The following DNAH3 variants were observed in gnomAD, a reference collection of about 807,000 sequenced individuals.
DNAH3 encodes axonemal beta dynein heavy chain 3.
Under a neutral mutation model 432.5 loss-of-function variants are expected in DNAH3, and 332 were observed. The ratio of observed to expected loss-of-function variants is 0.77; its 90% confidence interval spans 0.70 to 0.84. DNAH3 has a LOEUF of 0.84. Ranked by LOEUF, DNAH3 falls within the 40% of genes least tolerant of loss-of-function variation. The probability of loss-of-function intolerance (pLI) is 0.00; values close to 1 mark genes in which losing one functional copy is unlikely to be tolerated. For missense variants in DNAH3, 4,861 were observed against 5,114.0 expected, an observed-to-expected ratio of 0.95 and a Z score of 1.51; for synonymous variants, 1,956 against 1,900.2, an observed-to-expected ratio of 1.03 and a Z score of -0.76.
chr16:21,084,081 GA>G (rs1288585371), intron 19 of DNAH3, among the ~76,000 whole-genome samples: 1 of 151,966 alleles, frequency 6.6e-6, no homozygotes, highest in African/African-American at 2.4e-5. Flanking sequence ...AAACAGTGTA[GA>G]AAAATTCCAA....
chr16:20,964,006 C>T (rs769733239), exon 53 of DNAH3: 1 of 1,614,164 alleles, frequency 6.2e-7, no homozygotes, highest in Non-Finnish European at 8.5e-7. Flanking sequence ...TGGCTTGTAG[C>T]CCATCCGAGT....
chr16:21,139,701 C>A (rs2092693789), intron 5 of DNAH3, among the ~76,000 whole-genome samples: 2 of 150,810 alleles, frequency 1.3e-5, no homozygotes, highest in African/African-American at 4.9e-5. Flanking sequence ...ATCCTGGGCT[C>A]AAGTGATCCT....
chr16:21,007,557 T>A (rs555014279), intron 41 of DNAH3, among the ~76,000 whole-genome samples: 1 of 152,124 alleles, frequency 6.6e-6, no homozygotes, highest in Admixed American at 6.5e-5. Context: ...TTATATAGTG[T>A]TATTTGTCTT....
intron 59 of DNAH3, among the ~76,000 whole-genome samples, chr16:20,940,930 T>C (rs956195104): frequency 4.0e-5 from 6 of 151,736 alleles, no homozygotes; most frequent in Non-Finnish European, 8.8e-5. Flanking sequence ...TCCATCTCTA[T>C]AAAAAATAAA....
At chr16:20,944,357 G>A (rs75733297) in intron 58 of DNAH3, 139 bp downstream of exon 58, 16 of 940,388 alleles carry the variant, frequency 1.7e-5, no homozygotes, top group South Asian at 3.1e-5. Context: ...TAAGGCCACA[G>A]TGCTCCTTCC....
chr16:20,980,358 A>G lies in DNAH3; in HGVS notation c.7860-812T>C, dbSNP rs1390616283. On this transcript the variant is annotated intron_variant, in intron 49 of 61. Coordinates refer to ENST00000261383, the Ensembl canonical transcript of DNAH3. ...TATATTTTATTATATTTATTTATAT[A>G]TAAATATATATATATGTGGGGGGGG... 3.0e-5 allele frequency among the ~76,000 whole-genome samples: 4 copies of G among 133,170 alleles called. No homozygotes were observed. In the East Asian group the frequency reaches 6.3e-4, roughly 21 times the overall value. The allele number at this position is 133,170 out of a possible 152,430, so 87.4% of individuals were successfully genotyped here.
chr16:21,152,408 T>C (rs2092862544), intron 1 of DNAH3, among the ~76,000 whole-genome samples: 1 of 152,190 alleles, frequency 6.6e-6, no homozygotes, highest in Non-Finnish European at 1.5e-5. Context: ...TGAAAAGCAT[T>C]GCATAGTGAG....
At chr16:20,961,351 G>A (rs1389737647) in intron 53 of DNAH3, among the ~76,000 whole-genome samples, 1 of 152,056 alleles carries the variant, frequency 6.6e-6, no homozygotes, top group Non-Finnish European at 1.5e-5. Context: ...GTCGTGGGGT[G>A]CGGGGAGGGA....
intron 54 of DNAH3, among the ~76,000 whole-genome samples, chr16:20,958,684 T>C (rs1192552242): frequency 6.6e-6 from 1 of 152,190 alleles, no homozygotes; most frequent in Non-Finnish European, 1.5e-5. Flanking sequence ...CTGTATTCCA[T>C]GGTTCTTGTT....
chr16:21,067,492 T>C, intron 23 of DNAH3, 73 bp from the exon 24 acceptor site: 1 of 1,536,858 alleles, frequency 6.5e-7, no homozygotes, highest in Non-Finnish European at 9.0e-7. Context: ...GTATTGAATG[T>C]GTGACCTATC....
At chr16:21,079,618 CAGAGTG>C (rs1162876162) in intron 20 of DNAH3, among the ~76,000 whole-genome samples, 2 of 151,964 alleles carry the variant, frequency 1.3e-5, no homozygotes, top group African/African-American at 4.8e-5. Context: ...GCCTGGGACA[CAGAGTG>C]AGACTCTGTC....
In DNAH3 at chr16:21,136,323, C is replaced by T. The variant is rs755984543; in HGVS notation, c.886+1G>A. On this transcript the variant is annotated splice_donor_variant, in intron 6 of 61. Transcript: ENST00000261383. LOFTEE classifies it high-confidence loss of function. ...GCCCCCTTTATGCCCACCAGCCTTACCGATGCTTTTCATGAGGCTACAGTA... is the reference window on the plus strand; with the variant it reads ...GCCCCCTTTATGCCCACCAGCCTTATCGATGCTTTTCATGAGGCTACAGTA... 6.2e-7 allele frequency: 1 copy of T among 1,613,506 alleles called. No homozygotes were observed. The highest frequency in any genetic ancestry group is 1.3e-5 in the African/African-American group (1 of 74,872).
chr16:21,125,241 C>T (rs760266087), exon 9 of DNAH3: 10 of 1,613,676 alleles, frequency 6.2e-6, no homozygotes, highest in African/African-American at 1.3e-5. Context: ...TAAGCTGCAG[C>T]GACATGAATG....
At chr16:20,992,746 T>C (rs553040221) in intron 44 of DNAH3, among the ~76,000 whole-genome samples, 17 of 152,370 alleles carry the variant, frequency 1.1e-4, no homozygotes, top group Admixed American at 8.5e-4. Context: ...ATCTGAGTAG[T>C]AGACATGTTC....
intron 51 of DNAH3, among the ~76,000 whole-genome samples, chr16:20,970,838 A>G (rs1243968073): frequency 6.9e-6 from 1 of 145,122 alleles, no homozygotes; most frequent in Non-Finnish European, 1.5e-5. Context: ...TCTTCCCAGT[A>G]TGGATTTCTT....
intron 3 of DNAH3, among the ~76,000 whole-genome samples, chr16:21,143,596 C>G (rs6497537): frequency 0.45 from 68,683 of 151,950 alleles, 15,830 homozygotes; most frequent in East Asian, 0.69. Flanking sequence ...CATGAAATTA[C>G]CAATTAGAGC....
chr16:21,050,778 G>T (rs1476310244), intron 29 of DNAH3, among the ~76,000 whole-genome samples: 1 of 152,164 alleles, frequency 6.6e-6, no homozygotes, highest in African/African-American at 2.4e-5. Context: ...AATCATATTT[G>T]ATTCCATTTC....
intron 5 of DNAH3, 158 bp downstream of exon 6, chr16:21,140,378 C>CA: frequency 1.5e-6 from 1 of 674,072 alleles, no homozygotes. Context: ...CACAAGCACA[C>CA]AAACATGCGC....
rs1375572269 is a variant in DNAH3, at chr16:21,030,921, C to CTTAATGTAT, written c.5439+115_5439+123dup. 1.5e-5 allele frequency: 15 copies of CTTAATGTAT among 979,412 alleles called. No individual in the cohort carries two copies. The African/African-American group carries it at 2.3e-4, about 15-fold the overall frequency. 60.7% of individuals were successfully genotyped at this position (979,412 alleles called of 1,614,324 possible). A position where few individuals can be genotyped will look rare whatever the true frequency, so the allele number is the denominator to read the frequency against. The stretch of plus-strand genomic sequence containing the variant: ...ATAATCCTCCTGTGGGGCATTTATT[C>CTTAATGTAT]TTAATGTATACAGAATACATACATA... On this transcript the variant is annotated intron_variant, in intron 37 of 61. Transcript: ENST00000261383.
Sources: allele counts gnomAD v4.1 joint callset (sites outside exome capture counted in the v4.1 genomes callset), GRCh38; gene constraint gnomAD v4.1.1; transcripts MANE v1.5; gene names NCBI Gene and HGNC (gene_info 2026-07-23, HGNC 2026-07-21).